The following LYST variants were observed in gnomAD, a reference collection of about 807,000 sequenced individuals.
The protein encoded by LYST is lysosomal trafficking regulator.
LYST carries 192 observed loss-of-function variants against 413.6 expected under a neutral mutation model. The ratio of observed to expected loss-of-function variants is 0.46; its 90% confidence interval spans 0.41 to 0.52. The LOEUF is 0.52. LYST is among the 20% of genes least tolerant of loss of function. The probability of loss-of-function intolerance (pLI) is 0.00; values close to 1 mark genes in which losing one functional copy is unlikely to be tolerated. For missense variants in LYST, 3,815 were observed against 4,499.9 expected (o/e 0.85, Z 4.35); for synonymous variants, 1,525 against 1,567.3 (o/e 0.97, Z 0.64).
chr1:235,773,353 AAAC>A (rs1390750122), intron 19 of LYST, among the ~76,000 whole-genome samples: 1 of 152,066 alleles, frequency 6.6e-6, no homozygotes, highest in Non-Finnish European at 1.5e-5. Flanking sequence ...ACAAACAAAA[AAAC>A]GAGTATATGC....
chr1:235,701,889 C>T lies in LYST; in HGVS notation c.10374+858G>A, dbSNP rs189631934. On this transcript the variant is annotated intron_variant, in intron 45 of 52. Coordinates refer to ENST00000389793, the MANE Select transcript of LYST (RefSeq NM_000081.4). Reference sequence around the variant, plus strand: ...ACATTTGACATATGTGAGCTATGAGCGCAAATAATTTATATCCAGTGTTCT... The same window carrying T: ...ACATTTGACATATGTGAGCTATGAGTGCAAATAATTTATATCCAGTGTTCT... Among the ~76,000 whole-genome samples, 418 of 152,138 alleles carry T rather than the reference C, an allele frequency of 2.7e-3. 1 individual carries two copies. The highest frequency in any genetic ancestry group is 6.8e-3 in the Middle Eastern group (2 of 294).
intron 16 of LYST, among the ~76,000 whole-genome samples, chr1:235,778,122 T>TATATATATATATA (rs1558230944): frequency 2.1e-5 from 3 of 144,764 alleles, no homozygotes; most frequent in Admixed American, 6.8e-5. Flanking sequence ...TATATATATA[T>TATATATATATATA]TTTTGTAGAG....
intron 50 of LYST, among the ~76,000 whole-genome samples, chr1:235,671,426 G>GAT (rs1455475480): frequency 2.0e-5 from 3 of 152,142 alleles, no homozygotes; most frequent in South Asian, 2.1e-4. Flanking sequence ...CTGTTAACAT[G>GAT]ATATATCACA....
chr1:235,860,049 T>C (rs1187178014), intron 1 of LYST, among the ~76,000 whole-genome samples: 2 of 152,236 alleles, frequency 1.3e-5, no homozygotes, highest in Non-Finnish European at 2.9e-5. Flanking sequence ...CTATAGTTTT[T>C]CTAGGAATCA....
In LYST at chr1:235,801,078, T is replaced by A. The variant is rs1266748754; in HGVS notation, c.3732A>T (p.Glu1244Asp). ...TQDDGVDLKS[E>D]TEGFSASSSP... ...TGCTTGATGCACTGAAACCTTCTGT[T>A]TCAGACTTTAAGTCTACCCCTGAAA... The change falls in exon 9 of 53, where the codon GAA becomes GAT. Residue 1244 changes from glutamate to aspartate, a missense_variant. Glu to Asp is a conservative substitution (Grantham distance 45, BLOSUM62 2). This residue lies in a region of LYST where 1,648 missense variants were observed against 1,810.3 expected (regional missense o/e 0.91). Coordinates refer to ENST00000389793, the MANE Select transcript of LYST (RefSeq NM_000081.4). The A allele has an allele frequency of 1.9e-6, 3 of 1,610,102 alleles. No individual in the cohort carries two copies. Among genetic ancestry groups the A allele is most frequent in the Non-Finnish European group, 2.5e-6 (3 of 1,176,750 alleles).
chr1:235,880,362 G>C (rs542329218), intron 1 of LYST, among the ~76,000 whole-genome samples: 3 of 152,180 alleles, frequency 2.0e-5, no homozygotes, highest in African/African-American at 7.2e-5. Context: ...GGTAAGAATG[G>C]AGGTTGTAAG....
Position 235,724,017 on chromosome 1 carries a change from G to T in LYST, c.9315+11C>A, listed in dbSNP as rs1048687906. 8.7e-6 allele frequency: 14 copies of T among 1,609,626 alleles called. No individual in the cohort carries two copies. The highest frequency in any genetic ancestry group is 3.3e-5 in the South Asian group (3 of 90,978). ...TAAACAATATATATCAATTAATAAG[G>T]GTGAATTTACCTTGGTGTTATCAAA... On this transcript the variant is annotated intron_variant, in intron 39 of 52. Transcript: ENST00000389793.
intron 34 of LYST, among the ~76,000 whole-genome samples, chr1:235,732,138 C>T (rs888520861): frequency 1.3e-5 from 2 of 151,474 alleles, no homozygotes; most frequent in African/African-American, 4.9e-5. Flanking sequence ...TATAACTTGC[C>T]TTATTTTACT....
In LYST at chr1:235,704,396, C is replaced by T. The variant is rs905718969; in HGVS notation, c.10144-1419G>A. On this transcript the variant is annotated intron_variant, in intron 44 of 52. Coordinates refer to ENST00000389793, the MANE Select transcript of LYST (RefSeq NM_000081.4). ...CAACAGTGTACAAGTGTTCCCTTTT[C>T]TCCAGAACCTCGCCAGCATCTGTTA... Among the ~76,000 whole-genome samples, 7 of 152,312 alleles carry T rather than the reference C, an allele frequency of 4.6e-5. No homozygotes were observed. In the South Asian group the frequency reaches 6.2e-4, roughly 14 times the overall value.
intron 1 of LYST, among the ~76,000 whole-genome samples, chr1:235,852,152 C>T (rs547508401): frequency 1.4e-4 from 22 of 152,250 alleles, no homozygotes; most frequent in South Asian, 6.2e-4. Context: ...TCTCCAGTTC[C>T]GTAGATACTA....
chr1:235,788,905 G>C, intron 12 of LYST, 60 bp from the exon 13 acceptor site: 1 of 1,509,936 alleles, frequency 6.6e-7, no homozygotes, highest in Non-Finnish European at 9.2e-7. Flanking sequence ...GAGTAGAAAA[G>C]TGAATTTAGA....
chr1:235,791,888 G>A lies in LYST; in HGVS notation c.4354C>T (p.His1452Tyr). The A allele has an allele frequency of 1.2e-6, 2 of 1,614,116 alleles. No homozygotes were observed. Among genetic ancestry groups the A allele is most frequent in the African/African-American group, 1.3e-5 (1 of 75,036 alleles). The change falls in exon 12 of 53, where the codon CAC becomes TAC. Residue 1452 changes from histidine to tyrosine, a missense_variant. His to Tyr is a moderately conservative substitution (Grantham distance 83, BLOSUM62 2). Coordinates refer to ENST00000389793, the MANE Select transcript of LYST (RefSeq NM_000081.4). ...SFPHRLLSSW[H>Y]IAPVHLPLLG... The stretch of plus-strand genomic sequence containing the variant: ...AACGGCAGGTGGACTGGGGCTATGT[G>A]CCAAGATGAAAGCAGCCGATGGGGA...
intron 1 of LYST, among the ~76,000 whole-genome samples, chr1:235,882,057 T>TACAC (rs138273484): frequency 1.1e-4 from 15 of 141,798 alleles, no homozygotes; most frequent in African/African-American, 3.9e-4. Context: ...CACTCACACA[T>TACAC]ACACACACAC....
At chr1:235,883,068 C>T (rs1258161415) in intron 1 of LYST, 1 of 152,284 alleles carries the variant, frequency 6.6e-6, no homozygotes, top group Non-Finnish European at 1.5e-5. Flanking sequence ...GCCAGAAATT[C>T]ATCCACCAGT....
chr1:235,664,156 G>A lies in LYST; in HGVS notation c.11196-101C>T. On this transcript the variant is annotated intron_variant, in intron 51 of 52. Coordinates refer to ENST00000389793, the MANE Select transcript of LYST (RefSeq NM_000081.4). The surrounding 1 kb of genome is among the most constrained non-coding windows in gnomAD (Gnocchi z 4.5). ...TGTTAAAAATCATGTGGAAGGAAATGTAACAAACAATTAACAGTAGTTCCC... is the reference window on the plus strand; with the variant it reads ...TGTTAAAAATCATGTGGAAGGAAATATAACAAACAATTAACAGTAGTTCCC... 1 of 955,920 alleles carries A rather than the reference G, an allele frequency of 1.0e-6. No homozygotes were observed. 59.2% of individuals were successfully genotyped at this position (955,920 alleles called of 1,614,324 possible).
Position 235,710,473 on chromosome 1 carries a change from C to G in LYST, c.9926-1165G>C, listed in dbSNP as rs556606511. On this transcript the variant is annotated intron_variant, in intron 43 of 52. Coordinates refer to ENST00000389793, the MANE Select transcript of LYST (RefSeq NM_000081.4). ...GGCATTTGTACAAACTCAATCTTTC[C>G]CAACTTTCAGGTGTTCTGAGGGAAC... Among the ~76,000 whole-genome samples, 3 of 152,180 alleles carry G rather than the reference C, an allele frequency of 2.0e-5. No homozygotes were observed. The South Asian group carries it at 6.2e-4, about 32-fold the overall frequency.
rs1660216503 is a variant in LYST at position 235,686,290 on chromosome 1, CCGGGAGG to C, written c.10800+652_10800+658del. Among the ~76,000 whole-genome samples the C allele has an allele frequency of 6.6e-6, 1 of 152,094 alleles. No homozygotes were observed. Among genetic ancestry groups the C allele is most frequent in the African/African-American group, 2.4e-5 (1 of 41,400 alleles). On this transcript the variant is annotated intron_variant, in intron 48 of 52. Coordinates refer to ENST00000389793, the MANE Select transcript of LYST (RefSeq NM_000081.4). The surrounding 1 kb of genome is among the most constrained non-coding windows in gnomAD (Gnocchi z 4.0). ...GCTGAGGCACGAGAATTGATTGAGC[CCGGGAGG>C]CAGAGGTTGCAGTGAGCTGAGATTG...
chr1:235,728,973 G>A (rs538132925), intron 37 of LYST, among the ~76,000 whole-genome samples: 1 of 152,314 alleles, frequency 6.6e-6, no homozygotes, highest in African/African-American at 2.4e-5. Context: ...ACTGAGGCGT[G>A]AGAATGTGCA....
chr1:235,746,902 T>A (rs1370039752), intron 28 of LYST, among the ~76,000 whole-genome samples: 2 of 152,240 alleles, frequency 1.3e-5, no homozygotes, highest in Non-Finnish European at 2.9e-5. Flanking sequence ...TTAATGCACA[T>A]AATTTTTTAG....
Sources: allele counts gnomAD v4.1 joint callset (sites outside exome capture counted in the v4.1 genomes callset), GRCh38; gene constraint gnomAD v4.1.1; regional missense constraint gnomAD v4.1.1; non-coding constraint Gnocchi (gnomAD v3.1); transcripts MANE v1.5; gene names NCBI Gene and HGNC (gene_info 2026-07-23, HGNC 2026-07-21).